PHKB: variants seen among roughly 807,000 people sequenced by gnomAD.
PHKB encodes phosphorylase kinase regulatory subunit beta.
Under a neutral mutation model 152.1 loss-of-function variants are expected in PHKB, and 122 were observed. The ratio of observed to expected loss-of-function variants is 0.80; its 90% CI spans 0.69 to 0.93. The LOEUF (loss-of-function observed/expected upper bound fraction) is 0.93, where lower values mean the gene tolerates loss of function less well. PHKB is among the 40% of genes least tolerant of loss of function. The pLI is 0.00. For synonymous variants in PHKB, 436 were observed against 464.9 expected (o/e 0.94, Z 0.80); for missense variants, 1,304 against 1,328.4 (o/e 0.98, Z 0.29).
intron 14 of PHKB, among the ~76,000 whole-genome samples, chr16:47,628,225 T>C (rs1380943520): frequency 6.6e-6 from 1 of 152,164 alleles, no homozygotes; most frequent in African/African-American, 2.4e-5. Context: ...TTATGCAATA[T>C]AGGGCATATT....
intron 6 of PHKB, among the ~76,000 whole-genome samples, chr16:47,547,168 A>C (rs1971185930): frequency 6.6e-6 from 1 of 152,116 alleles, no homozygotes; most frequent in South Asian, 2.1e-4. Context: ...GAAATGCAGA[A>C]ATCACCCGTC....
At position 47,698,601 on chromosome 16, in the gene PHKB, CTTTTTTTT is replaced by C; in HGVS notation, c.3144+27_3144+34del. On this transcript the variant is annotated intron_variant, in intron 30 of 30. Transcript: ENST00000323584. The stretch of plus-strand genomic sequence containing the variant: ...AATTGAAAAACAAGTAAGTACACAG[CTTTTTTTT>C]TTTTTTTTTTTTTGAGAATTTTTTC... 2 of 730,288 alleles carry C rather than the reference CTTTTTTTT, an allele frequency of 2.7e-6. No individual in the cohort carries two copies. The highest frequency in any genetic ancestry group is 3.6e-6 in the Non-Finnish European group (2 of 550,890). The allele number at this position is 730,288 out of a possible 1,614,324, so 45.2% of individuals were successfully genotyped here.
intron 1 of PHKB, chr16:47,463,998 G>C: frequency 6.3e-7 from 1 of 1,577,554 alleles, no homozygotes. Context: ...GGTCTGGTAA[G>C]TGTTGTAGAC....
chr16:47,642,085 T>C (rs1973034066), intron 16 of PHKB, among the ~76,000 whole-genome samples: 1 of 152,176 alleles, frequency 6.6e-6, no homozygotes, highest in African/African-American at 2.4e-5. Context: ...GATTTGGTTT[T>C]TTCATCCTTT....
At chr16:47,595,238 G>A (rs1255561683) in intron 12 of PHKB, among the ~76,000 whole-genome samples, 1 of 152,136 alleles carries the variant, frequency 6.6e-6, no homozygotes, top group Non-Finnish European at 1.5e-5. Flanking sequence ...GCTTCATCAT[G>A]TTCAGAGAGT....
intron 13 of PHKB, among the ~76,000 whole-genome samples, chr16:47,608,460 C>T (rs189425680): frequency 1.3e-4 from 20 of 152,312 alleles, no homozygotes; most frequent in Admixed American, 7.8e-4. Context: ...TGGTGGCTCA[C>T]GCCTGTAATC....
chr16:47,541,911 G>T (rs1419357597), intron 6 of PHKB, among the ~76,000 whole-genome samples: 4 of 151,988 alleles, frequency 2.6e-5, no homozygotes, highest in African/African-American at 7.2e-5. Context: ...TTGTCAGATG[G>T]GTAGATTGCA....
intron 14 of PHKB, among the ~76,000 whole-genome samples, chr16:47,626,323 G>A (rs1226987114): frequency 6.6e-6 from 1 of 152,134 alleles, no homozygotes; most frequent in Non-Finnish European, 1.5e-5. Flanking sequence ...TGTAGTTGTT[G>A]GGTTTGACCC....
intron 14 of PHKB, among the ~76,000 whole-genome samples, chr16:47,633,365 C>A (rs1200713067): frequency 6.6e-6 from 1 of 152,076 alleles, no homozygotes; most frequent in Non-Finnish European, 1.5e-5. Flanking sequence ...AATTGCTTTT[C>A]TTTTAGTGCA....
chr16:47,502,391 G>C (rs918361802), intron 3 of PHKB, among the ~76,000 whole-genome samples: 3 of 152,118 alleles, frequency 2.0e-5, no homozygotes, highest in Non-Finnish European at 4.4e-5. Flanking sequence ...TTAAAAGCAA[G>C]AGATGTAAAA....
intron 14 of PHKB, among the ~76,000 whole-genome samples, chr16:47,638,636 C>G (rs959770863): frequency 7.2e-5 from 11 of 152,288 alleles, no homozygotes; most frequent in African/African-American, 2.6e-4. Flanking sequence ...CAGTAAAATA[C>G]TTTTACGTGA....
intron 1 of PHKB, among the ~76,000 whole-genome samples, chr16:47,491,525 T>A (rs1970150283): frequency 6.6e-6 from 1 of 152,192 alleles, no homozygotes; most frequent in Non-Finnish European, 1.5e-5. Context: ...ATCTTCCCTT[T>A]AAAAAATATT....
chr16:47,682,727 A>G (rs1973885128), intron 26 of PHKB, among the ~76,000 whole-genome samples: 1 of 152,024 alleles, frequency 6.6e-6, no homozygotes, highest in Non-Finnish European at 1.5e-5. Flanking sequence ...TGTAGCTCGG[A>G]GTAGTTTGAT....
intron 7 of PHKB, among the ~76,000 whole-genome samples, chr16:47,558,563 G>A (rs1266645212): frequency 6.6e-6 from 1 of 152,020 alleles, no homozygotes; most frequent in African/African-American, 2.4e-5. Context: ...TGTTTTTGTT[G>A]TTTTGAGACA....
At chr16:47,473,420 T>G (rs1424135395) in intron 1 of PHKB, among the ~76,000 whole-genome samples, 1 of 151,822 alleles carries the variant, frequency 6.6e-6, no homozygotes, top group Non-Finnish European at 1.5e-5. Context: ...TCATTTTCTT[T>G]TTCACATTAG....
At chr16:47,619,777 T>A (rs1972585039) in intron 14 of PHKB, among the ~76,000 whole-genome samples, 1 of 152,196 alleles carries the variant, frequency 6.6e-6, no homozygotes, top group Admixed American at 6.5e-5. Context: ...TGCAGCTCAT[T>A]CAAACTTGGG....
intron 20 of PHKB, among the ~76,000 whole-genome samples, chr16:47,651,227 G>A (rs1191185278): frequency 1.3e-5 from 2 of 152,168 alleles, no homozygotes; most frequent in Non-Finnish European, 2.9e-5. Flanking sequence ...CTGACTGTTG[G>A]TCCAGTACTC....
In PHKB at chr16:47,670,438, G is replaced by A. The variant is rs117600273; in HGVS notation, c.2630+1021G>A. On this transcript the variant is annotated intron_variant, in intron 26 of 30. Transcript: ENST00000323584. ...CTCTTAATTTCTCATTATAATTGTG[G>A]TTGTATCAATTTCTCCTTGCATTTT... 3.3e-5 allele frequency among the ~76,000 whole-genome samples: 5 copies of A among 152,192 alleles called. No homozygotes were observed. The East Asian group carries it at 7.7e-4, about 23-fold the overall frequency.
chr16:47,511,601 T>C (rs1004175044), intron 4 of PHKB, 64 bp from the exon 5 acceptor site: 2 of 1,163,610 alleles, frequency 1.7e-6, no homozygotes, highest in Non-Finnish European at 2.6e-6. Context: ...AAATAGCTTT[T>C]AATCTATAGT....
Sources: gnomAD v4.1 joint callset for allele counts (sites outside exome capture counted in the v4.1 genomes callset) on GRCh38, gnomAD v4.1.1 for gene constraint, MANE v1.5 for transcripts, NCBI Gene and HGNC (gene_info 2026-07-23, HGNC 2026-07-21) for gene names.